Variants in NPAS3 observed in about 807,000 individuals in gnomAD.
NPAS3 encodes neuronal PAS domain protein 3.
NPAS3 carries 14 observed loss-of-function variants against 73.1 expected under a neutral mutation model. The ratio of observed to expected loss-of-function variants is 0.19; its 90% CI spans 0.13 to 0.30. The LOEUF (loss-of-function observed/expected upper bound fraction) is 0.30, where lower values mean the gene tolerates loss of function less well. NPAS3 is among the 10% of genes least tolerant of loss of function. NPAS3 has a pLI of 1.00. For synonymous variants in NPAS3, 620 were observed against 541.5 expected (o/e 1.14, Z -2.01); for missense variants, 1,096 against 1,250.0 (o/e 0.88, Z 1.86).
chr14:33,720,866 T>TG (rs2061088745), intron 6 of NPAS3, among the ~76,000 whole-genome samples: 1 of 152,104 alleles, frequency 6.6e-6, no homozygotes, highest in South Asian at 2.1e-4. Flanking sequence ...TGTTAATCCA[T>TG]GGGGTGATCT....
intron 1 of NPAS3, among the ~76,000 whole-genome samples, chr14:32,960,638 G>A (rs374816471): frequency 5.3e-5 from 8 of 152,030 alleles, no homozygotes; most frequent in South Asian, 2.1e-4. Flanking sequence ...AAATGCAGTC[G>A]TCCATTTATT....
At position 33,492,184 on chromosome 14, in the gene NPAS3, C is replaced by T. The variant is rs900499022; in HGVS notation, c.469-67937C>T. 7.2e-5 allele frequency among the ~76,000 whole-genome samples: 11 copies of T among 152,116 alleles called. No individual in the cohort carries two copies. The South Asian group carries it at 8.3e-4, about 11-fold the overall frequency. On this transcript the variant is annotated intron_variant, in intron 4 of 11. Coordinates refer to ENST00000356141, the Ensembl canonical transcript of NPAS3. ...ACCCCATTAACATTAATAAGACTTA[C>T]GCTCACATATCGATGGAGAGTAAAT...
intron 3 of NPAS3, among the ~76,000 whole-genome samples, chr14:33,351,122 A>G (rs35470310): frequency 0.31 from 46,789 of 152,116 alleles, 7,417 homozygotes; most frequent in Admixed American, 0.38. Flanking sequence ...TAGTTTTAAA[A>G]AACTCAAAAT....
chr14:33,082,219 A>G (rs1234690634), intron 2 of NPAS3, among the ~76,000 whole-genome samples: 3 of 152,186 alleles, frequency 2.0e-5, no homozygotes, highest in Non-Finnish European at 4.4e-5. Context: ...AATCACATTT[A>G]TAAGACAATA....
At chr14:33,322,132 G>A (rs1348841611) in intron 3 of NPAS3, among the ~76,000 whole-genome samples, 3 of 152,140 alleles carry the variant, frequency 2.0e-5, no homozygotes, top group Admixed American at 6.5e-5. Context: ...CCATGAATAT[G>A]GTAGACACTT....
At chr14:33,254,494 ATTGC>A (rs755946464) in intron 3 of NPAS3, among the ~76,000 whole-genome samples, 3 of 151,876 alleles carry the variant, frequency 2.0e-5, no homozygotes, top group Non-Finnish European at 4.4e-5. Flanking sequence ...GTACATTTTT[ATTGC>A]TTATTTACGT....
At chr14:33,516,785 T>C (rs916679950) in intron 4 of NPAS3, among the ~76,000 whole-genome samples, 6 of 152,122 alleles carry the variant, frequency 3.9e-5, no homozygotes, top group African/African-American at 1.4e-4. Flanking sequence ...ATGATGATGA[T>C]GATGAAGATA....
intron 5 of NPAS3, among the ~76,000 whole-genome samples, chr14:33,574,184 G>A (rs1408828140): frequency 6.6e-6 from 1 of 152,114 alleles, no homozygotes; most frequent in Non-Finnish European, 1.5e-5. Flanking sequence ...CAGAAAGAGG[G>A]AGTGTAAGCT....
At chr14:33,497,572 A>C (rs996618650) in intron 4 of NPAS3, among the ~76,000 whole-genome samples, 9 of 152,176 alleles carry the variant, frequency 5.9e-5, no homozygotes, top group Non-Finnish European at 1.0e-4. Flanking sequence ...GATCTTTGAC[A>C]AACCAGACAA....
intron 5 of NPAS3, among the ~76,000 whole-genome samples, chr14:33,634,025 A>G (rs1173972949): frequency 1.3e-5 from 2 of 152,170 alleles, no homozygotes; most frequent in Non-Finnish European, 2.9e-5. Context: ...TGACTGCTGT[A>G]TATAATCTGC....
At chr14:32,960,249 A>C (rs975244302) in intron 1 of NPAS3, among the ~76,000 whole-genome samples, 1 of 152,138 alleles carries the variant, frequency 6.6e-6, no homozygotes, top group African/African-American at 2.4e-5. Context: ...CTGATTACCA[A>C]AGTTATGTAA....
chr14:33,671,630 CCTAT>C (rs1204266078), intron 5 of NPAS3, among the ~76,000 whole-genome samples: 2 of 152,106 alleles, frequency 1.3e-5, no homozygotes, highest in Non-Finnish European at 2.9e-5. Context: ...TTACTTGTTG[CCTAT>C]CTATCTGCTG....
At chr14:33,569,542 T>C (rs1309313437) in intron 5 of NPAS3, among the ~76,000 whole-genome samples, 1 of 152,128 alleles carries the variant, frequency 6.6e-6, no homozygotes, top group African/African-American at 2.4e-5. Context: ...CCCTTCCCTC[T>C]TGGCCTTCTC....
At chr14:33,475,324 A>G (rs1044280372) in intron 4 of NPAS3, among the ~76,000 whole-genome samples, 2 of 152,188 alleles carry the variant, frequency 1.3e-5, no homozygotes, top group African/African-American at 4.8e-5. Context: ...GATACTTGAC[A>G]TGCTTATTGA....
chr14:32,985,106 G>A (rs546584464), intron 1 of NPAS3, among the ~76,000 whole-genome samples: 1 of 145,106 alleles, frequency 6.9e-6, no homozygotes, highest in East Asian at 1.9e-4. Context: ...ATTCATGGGG[G>A]CCATATGATA....
At chr14:33,413,228 A>G (rs928778112) in intron 4 of NPAS3, among the ~76,000 whole-genome samples, 2 of 151,720 alleles carry the variant, frequency 1.3e-5, no homozygotes, top group African/African-American at 4.8e-5. Flanking sequence ...TGTTGTACTC[A>G]GATATGTATT....
chr14:33,287,331 G>A (rs2041917728), intron 3 of NPAS3, among the ~76,000 whole-genome samples: 1 of 152,106 alleles, frequency 6.6e-6, no homozygotes, highest in African/African-American at 2.4e-5. Flanking sequence ...AACGGCTCTG[G>A]AATTCCCACG....
chr14:33,643,608 A>G lies in NPAS3; in HGVS notation c.559-32603A>G, dbSNP rs553187246. On this transcript the variant is annotated intron_variant, in intron 5 of 11. Transcript: ENST00000356141. ...GGTTCTGAAGGTTGAAGAGAAGAGC[A>G]GTGTCAGAAAGCTGATTGGTAGCAC... Among the ~76,000 whole-genome samples, 6 of 152,292 alleles carry G rather than the reference A, an allele frequency of 3.9e-5. No homozygotes were observed. The East Asian group carries it at 9.7e-4, about 25-fold the overall frequency.
chr14:33,197,367 T>C (rs939979545), intron 2 of NPAS3, among the ~76,000 whole-genome samples: 28 of 152,006 alleles, frequency 1.8e-4, no homozygotes, highest in Admixed American at 8.5e-4. Flanking sequence ...TGCTCCCACC[T>C]GCTGTGAGTG....
Sources: allele counts gnomAD v4.1 joint callset (sites outside exome capture counted in the v4.1 genomes callset), GRCh38; gene constraint gnomAD v4.1.1; transcripts MANE v1.5; gene names NCBI Gene and HGNC (gene_info 2026-07-23, HGNC 2026-07-21).